The following GRM5 variants were observed in gnomAD, a reference collection of about 807,000 sequenced individuals.
The protein encoded by GRM5 is glutamate metabotropic receptor 5.
Under a neutral mutation model 83.1 loss-of-function variants are expected in GRM5, and 19 were observed. The ratio of observed to expected loss-of-function variants is 0.23; its 90% CI spans 0.16 to 0.34. The LOEUF (loss-of-function observed/expected upper bound fraction) is 0.34. Among genes scored for constraint, GRM5 ranks in the 10% least tolerant of loss-of-function variants. The pLI, the probability that GRM5 is intolerant of heterozygous loss-of-function variation, is 1.00. For synonymous variants in GRM5, 675 were observed against 633.6 expected, an observed-to-expected ratio of 1.07 and a Z score of -0.98; for missense variants, 1,160 against 1,588.3, an observed-to-expected ratio of 0.73 and a Z score of 4.58.
At chr11:88,939,928 G>A (rs1448921814) in intron 2 of GRM5, among the ~76,000 whole-genome samples, 4 of 151,846 alleles carry the variant, frequency 2.6e-5, no homozygotes, top group Non-Finnish European at 5.9e-5. Flanking sequence ...ATAGGCTGGG[G>A]TGGCAGTAGT....
intron 3 of GRM5, among the ~76,000 whole-genome samples, chr11:88,725,893 C>CAAAG: frequency 6.6e-6 from 1 of 152,104 alleles, no homozygotes; most frequent in East Asian, 1.9e-4. Context: ...TCACCAACAT[C>CAAAG]AAAGACCAAA....
chr11:88,781,672 CT>C (rs1490722105), intron 3 of GRM5, among the ~76,000 whole-genome samples: 3 of 152,192 alleles, frequency 2.0e-5, no homozygotes, highest in African/African-American at 7.2e-5. Context: ...TGCTCTGTGA[CT>C]TTTTGAAGAG....
intron 2 of GRM5, among the ~76,000 whole-genome samples, chr11:88,891,610 C>CTAAGTATACGCTATCAA (rs59362348): frequency 2.6e-5 from 1 of 38,360 alleles, no homozygotes; most frequent in South Asian, 1.4e-3. Flanking sequence ...ATTCTAATGT[C>CTAAGTATACGCTATCAA]TCATAATTAA....
intron 8 of GRM5, among the ~76,000 whole-genome samples, chr11:88,553,190 TAATC>T (rs897927440): frequency 6.6e-6 from 1 of 152,328 alleles, no homozygotes; most frequent in Non-Finnish European, 1.5e-5. Context: ...TTTTATTAGT[TAATC>T]AATCAAAGGG....
At chr11:88,693,169 A>G (rs958560367) in intron 3 of GRM5, among the ~76,000 whole-genome samples, 1 of 151,224 alleles carries the variant, frequency 6.6e-6, no homozygotes, top group African/African-American at 2.4e-5. Flanking sequence ...TCAATTAAAC[A>G]CATGTGTTTT....
At chr11:88,745,856 C>T (rs566218187) in intron 3 of GRM5, among the ~76,000 whole-genome samples, 30 of 152,276 alleles carry the variant, frequency 2.0e-4, no homozygotes, top group African/African-American at 6.7e-4. Flanking sequence ...CTGAGAAATT[C>T]CTGAGGCATT....
At chr11:88,614,801 T>A (rs1938424600) in intron 4 of GRM5, among the ~76,000 whole-genome samples, 1 of 152,172 alleles carries the variant, frequency 6.6e-6, no homozygotes, top group Admixed American at 6.6e-5. Context: ...TGAAGTCGAT[T>A]TTCCGTGGTC....
chr11:88,976,560 GAATT>G, intron 2 of GRM5, among the ~76,000 whole-genome samples: 1 of 150,380 alleles, frequency 6.6e-6, no homozygotes, highest in African/African-American at 2.5e-5. Context: ...AAAAAAAAAT[GAATT>G]AATAATTGCT....
chr11:88,576,872 AT>A (rs1943122459), intron 7 of GRM5, among the ~76,000 whole-genome samples: 1 of 152,118 alleles, frequency 6.6e-6, no homozygotes, highest in African/African-American at 2.4e-5. Flanking sequence ...TTTACGATTC[AT>A]TTCTATTTAT....
chr11:89,033,482 C>T (rs1365918613), intron 2 of GRM5, among the ~76,000 whole-genome samples: 2 of 151,882 alleles, frequency 1.3e-5, no homozygotes, highest in Non-Finnish European at 2.9e-5. Flanking sequence ...TACAAAACTC[C>T]ACTCATGTCC....
chr11:88,583,384 C>T (rs765534332), intron 7 of GRM5, among the ~76,000 whole-genome samples: 2 of 152,208 alleles, frequency 1.3e-5, no homozygotes, highest in Non-Finnish European at 2.9e-5. Context: ...TCCTAGAGAA[C>T]GTCCCTATTG....
chr11:89,031,954 A>G (rs190383573), intron 2 of GRM5, among the ~76,000 whole-genome samples: 1 of 152,216 alleles, frequency 6.6e-6, no homozygotes, highest in African/African-American at 2.4e-5. Context: ...AAACAAAAAT[A>G]AGAAAAATAG....
intron 2 of GRM5, among the ~76,000 whole-genome samples, chr11:88,954,242 G>A (rs1300287062): frequency 1.3e-5 from 2 of 152,110 alleles, no homozygotes; most frequent in Non-Finnish European, 2.9e-5. Context: ...TTCCACCTAA[G>A]ATGGAAATGC....
intron 3 of GRM5, among the ~76,000 whole-genome samples, chr11:88,686,750 T>C (rs983102593): frequency 6.6e-6 from 1 of 152,168 alleles, no homozygotes; most frequent in Non-Finnish European, 1.5e-5. Context: ...TCATTTTCTC[T>C]TGTGGCTGCC....
At chr11:88,923,493 T>C (rs1442046754) in intron 2 of GRM5, among the ~76,000 whole-genome samples, 1 of 151,970 alleles carries the variant, frequency 6.6e-6, no homozygotes, top group East Asian at 1.9e-4. Context: ...GGGCAAAAAA[T>C]TGAAATAATT....
At chr11:88,550,033 G>T (rs1162557071) in intron 8 of GRM5, among the ~76,000 whole-genome samples, 1 of 152,104 alleles carries the variant, frequency 6.6e-6, no homozygotes, top group African/African-American at 2.4e-5. Context: ...GGTTGGATGT[G>T]AAGGGTCAGA....
At chr11:88,863,645 A>G (rs543012038) in intron 2 of GRM5, among the ~76,000 whole-genome samples, 7 of 129,208 alleles carry the variant, frequency 5.4e-5, no homozygotes, top group African/African-American at 2.0e-4. Context: ...AAAATAGCCT[A>G]AAGAGCATAA....
intron 2 of GRM5, among the ~76,000 whole-genome samples, chr11:89,021,264 G>T (rs1940975691): frequency 6.6e-6 from 1 of 152,170 alleles, no homozygotes; most frequent in African/African-American, 2.4e-5. Context: ...AGCAAAATGT[G>T]CAGGAAGAAA....
intron 3 of GRM5, among the ~76,000 whole-genome samples, chr11:88,687,211 G>A (rs993169590): frequency 4.6e-5 from 7 of 151,614 alleles, no homozygotes; most frequent in South Asian, 2.1e-4. Context: ...GCAGCGGCTC[G>A]CGCCTGTAAT....
Sources: gnomAD v4.1 joint callset for allele counts (sites outside exome capture counted in the v4.1 genomes callset) on GRCh38, gnomAD v4.1.1 for gene constraint, MANE v1.5 for transcripts, NCBI Gene and HGNC (gene_info 2026-07-23, HGNC 2026-07-21) for gene names.